LRP4: variants seen among roughly 807,000 people sequenced by gnomAD.
LRP4 encodes low-density lipoprotein receptor-related protein 4.
Under a neutral mutation model 220.3 loss-of-function variants are expected in LRP4, and 95 were observed. The observed-to-expected ratio is 0.43, with a 90% CI of 0.37 to 0.51. LRP4 has a LOEUF of 0.51. Ranked by LOEUF, LRP4 falls within the 20% of genes least tolerant of loss-of-function variation. The probability of loss-of-function intolerance (pLI) is 0.00; values close to 1 mark genes in which losing one functional copy is unlikely to be tolerated. For synonymous variants in LRP4, 903 were observed against 954.6 expected, an observed-to-expected ratio of 0.95 and a Z score of 1.00; for missense variants, 1,925 against 2,567.0, an observed-to-expected ratio of 0.75 and a Z score of 5.40.
chr11:46,885,984 G>T, intron 18 of LRP4, 107 bp downstream of exon 18: 1 of 955,404 alleles, frequency 1.0e-6, no homozygotes, highest in Non-Finnish European at 1.7e-6. Context: ...TTGAAGTGAA[G>T]ACAGAAGTGG....
intron 36 of LRP4, among the ~76,000 whole-genome samples, chr11:46,863,659 TGAGGCACA>T (rs1343389937): frequency 6.6e-6 from 1 of 151,000 alleles, no homozygotes; most frequent in Non-Finnish European, 1.5e-5. Flanking sequence ...CTTGGGAGGC[TGAGGCACA>T]AGAATTGCTT....
intron 1 of LRP4, among the ~76,000 whole-genome samples, chr11:46,908,830 A>G (rs1941805481): frequency 6.6e-6 from 1 of 152,168 alleles, no homozygotes; most frequent in South Asian, 2.1e-4. Context: ...ATAACAAATA[A>G]TTATACTTTG....
At chr11:46,872,734 A>T (rs948417221) in intron 30 of LRP4, among the ~76,000 whole-genome samples, 1 of 152,194 alleles carries the variant, frequency 6.6e-6, no homozygotes. Context: ...ACAGAGCAAG[A>T]TGCTGTCTCA....
intron 1 of LRP4, among the ~76,000 whole-genome samples, chr11:46,915,369 A>G (rs1050273956): frequency 7.2e-5 from 11 of 152,148 alleles, no homozygotes; most frequent in East Asian, 3.9e-4. Flanking sequence ...CACTCTTCCA[A>G]TGGTTGTCAT....
At position 46,892,776 on chromosome 11, in the gene LRP4, G is replaced by C. The variant is rs574170399; in HGVS notation, c.1697+197C>G. 7.2e-5 allele frequency among the ~76,000 whole-genome samples: 11 copies of C among 152,208 alleles called. No individual in the cohort carries two copies. In the South Asian group the frequency reaches 2.3e-3, roughly 32 times the overall value. On this transcript the variant is annotated intron_variant, in intron 13 of 37. Coordinates refer to ENST00000378623, the MANE Select transcript of LRP4 (RefSeq NM_002334.4). ...GCAGAGATGGGGTTTCCCCATGTTG[G>C]CCAGGCTGGTCTCGAATTACTGACC...
chr11:46,866,685 T>G (rs1940710913), intron 34 of LRP4, among the ~76,000 whole-genome samples: 1 of 152,152 alleles, frequency 6.6e-6, no homozygotes. Flanking sequence ...TTGGGATGCC[T>G]AGGCGGGTGG....
At position 46,899,756 on chromosome 11, in the gene LRP4, T is replaced by C; in HGVS notation, c.430+107A>G. ...CGTTCCTCTAGCTGCTCCAGATATCTGGGCAGTTGGAGGTTTGGCAGTGCT... is the reference window on the plus strand; with the variant it reads ...CGTTCCTCTAGCTGCTCCAGATATCCGGGCAGTTGGAGGTTTGGCAGTGCT... On this transcript the variant is annotated intron_variant, in intron 4 of 37. Transcript: ENST00000378623. This position sits in a 1 kb window ranked among gnomAD's most constrained non-coding sequence, Gnocchi z 5.9. 1.0e-6 allele frequency: 1 copy of C among 971,284 alleles called. No individual in the cohort carries two copies. The highest frequency in any genetic ancestry group is 1.7e-6 in the Non-Finnish European group (1 of 604,516). 60.2% of individuals were successfully genotyped at this position (971,284 alleles called of 1,614,324 possible).
At position 46,877,182 on chromosome 11, in the gene LRP4, G is replaced by A; in HGVS notation, c.3277+17C>T. 1.2e-6 allele frequency: 2 copies of A among 1,613,586 alleles called. No individual in the cohort carries two copies. The highest frequency in any genetic ancestry group is 1.3e-5 in the African/African-American group (1 of 75,044). On this transcript the variant is annotated intron_variant, in intron 23 of 37. Transcript: ENST00000378623. The stretch of plus-strand genomic sequence containing the variant: ...GCAGGGACAGAAGGCCAGGTGGGAA[G>A]AGAGGGCCATACAGACCTTCCTGGG...
In LRP4 at chr11:46,862,954, G is replaced by A. The variant is rs192911799; in HGVS notation, c.5244-207C>T. On this transcript the variant is annotated intron_variant, in intron 36 of 37. Coordinates refer to ENST00000378623, the MANE Select transcript of LRP4 (RefSeq NM_002334.4). ...AATGAAAAGATTATGCAAATGTGAT[G>A]GCTACTAGATTAGGTTACCAAGAAA... The A allele has an allele frequency of 2.9e-4, 171 of 595,750 alleles. 1 individual carries two copies. In the East Asian group the frequency reaches 3.5e-3, roughly 12 times the overall value. 36.9% of individuals were successfully genotyped at this position (595,750 alleles called of 1,614,324 possible).
chr11:46,908,823 A>C (rs1391081876), intron 1 of LRP4, among the ~76,000 whole-genome samples: 3 of 152,218 alleles, frequency 2.0e-5, no homozygotes, highest in African/African-American at 7.2e-5. Flanking sequence ...GCTTCCCATA[A>C]CAAATAATTA....
chr11:46,912,463 T>C lies in LRP4; in HGVS notation c.52+5865A>G, dbSNP rs565881602. On this transcript the variant is annotated intron_variant, in intron 1 of 37. Transcript: ENST00000378623. ...TCTGGGAGCCTGTAGTTGAAACTTATTGTTTAAACTGCCCGTGGAAGGAGG... is the reference window on the plus strand; with the variant it reads ...TCTGGGAGCCTGTAGTTGAAACTTACTGTTTAAACTGCCCGTGGAAGGAGG... Among the ~76,000 whole-genome samples the C allele has an allele frequency of 2.0e-5, 3 of 152,310 alleles. No homozygotes were observed. The South Asian group carries it at 6.2e-4, about 32-fold the overall frequency.
rs781442311 is a variant in LRP4 at position 46,875,777 on chromosome 11, G to A, written c.3699+27C>T. ...GCCTTTCCCATCTTCCCAGGCTCCT[G>A]GGAAGCAGCAGGGACACGGCTCTCA... On this transcript the variant is annotated intron_variant, in intron 26 of 37. Transcript: ENST00000378623. This position sits in a 1 kb window ranked among gnomAD's most constrained non-coding sequence, Gnocchi z 4.5. The A allele has an allele frequency of 2.5e-6, 4 of 1,614,004 alleles. No individual in the cohort carries two copies. The South Asian group carries it at 4.4e-5, about 18-fold the overall frequency.
intron 1 of LRP4, among the ~76,000 whole-genome samples, chr11:46,907,877 A>G (rs980392470): frequency 1.3e-5 from 2 of 152,230 alleles, no homozygotes; most frequent in East Asian, 1.9e-4. Context: ...GTAAAGATTA[A>G]CCCATATAAA....
intron 15 of LRP4, 72 bp downstream of exon 15, chr11:46,889,872 A>AGGTT: frequency 6.5e-7 from 1 of 1,533,122 alleles, no homozygotes; most frequent in Non-Finnish European, 9.0e-7. Flanking sequence ...AGGGGAAGGA[A>AGGTT]GGTTCTCAGA....
chr11:46,887,439 C>G (rs867978924), intron 16 of LRP4, among the ~76,000 whole-genome samples: 3 of 152,262 alleles, frequency 2.0e-5, no homozygotes, highest in Admixed American at 1.3e-4. Context: ...TGGCTCATGC[C>G]TGTAATCCCA....
chr11:46,887,921 G>A lies in LRP4; in HGVS notation c.2216-1388C>T, dbSNP rs974812414. On this transcript the variant is annotated intron_variant, in intron 16 of 37. Coordinates refer to ENST00000378623, the MANE Select transcript of LRP4 (RefSeq NM_002334.4). ...TCCCAGCTACTTAGGGGGCTGGGGC[G>A]GGAGGCTTGCTTAAGCCCAGGAAGT... Among the ~76,000 whole-genome samples the A allele has an allele frequency of 3.2e-4, 48 of 150,358 alleles. No homozygotes were observed. The East Asian group carries it at 7.0e-3, about 22-fold the overall frequency.
intron 37 of LRP4, chr11:46,861,007 C>T: frequency 1.0e-6 from 1 of 969,616 alleles, no homozygotes; most frequent in Non-Finnish European, 1.2e-6. Flanking sequence ...AAGAAACACA[C>T]AACAGAAGAA....
intron 1 of LRP4, among the ~76,000 whole-genome samples, chr11:46,903,283 C>T (rs1292581195): frequency 6.6e-6 from 1 of 152,096 alleles, no homozygotes; most frequent in African/African-American, 2.4e-5. Flanking sequence ...TGATTGAGCT[C>T]AGAAGTTCAA....
intron 18 of LRP4, among the ~76,000 whole-genome samples, chr11:46,885,186 G>A (rs1941259219): frequency 6.6e-6 from 1 of 152,120 alleles, no homozygotes; most frequent in Non-Finnish European, 1.5e-5. Context: ...GTGTATGCGT[G>A]TGGGGGTCTT....
Sources: gnomAD v4.1 joint callset for allele counts (sites outside exome capture counted in the v4.1 genomes callset) on GRCh38, gnomAD v4.1.1 for gene constraint, Gnocchi (gnomAD v3.1) non-coding constraint, MANE v1.5 for transcripts, NCBI Gene and HGNC (gene_info 2026-07-23, HGNC 2026-07-21) for gene names.